Variants in FRMD5 observed in about 807,000 individuals in gnomAD.
FRMD5 encodes the protein FERM domain containing 5.
In FRMD5, 20 loss-of-function variants were observed where a neutral mutation model predicts 69.0. The ratio of observed to expected loss-of-function variants is 0.29; its 90% CI spans 0.20 to 0.42. The LOEUF is 0.42. Among genes scored for constraint, FRMD5 ranks in the 10% least tolerant of loss-of-function variants. FRMD5 has a pLI of 1.00. For missense variants in FRMD5, 595 were observed against 708.6 expected (o/e 0.84, Z 1.82); for synonymous variants, 271 against 260.1 (o/e 1.04, Z -0.40).
intron 1 of FRMD5, among the ~76,000 whole-genome samples, chr15:43,931,595 T>C (rs946632300): frequency 6.6e-6 from 1 of 152,170 alleles, no homozygotes; most frequent in Non-Finnish European, 1.5e-5. Context: ...TTTCTTTTTT[T>C]TTTTGCAAAA....
chr15:43,896,943 A>G (rs2088923655), intron 7 of FRMD5, among the ~76,000 whole-genome samples: 1 of 152,158 alleles, frequency 6.6e-6, no homozygotes. Flanking sequence ...AATATACTAC[A>G]CTTAAACTTG....
At chr15:44,108,833 A>G (rs1403213788) in intron 1 of FRMD5, among the ~76,000 whole-genome samples, 1 of 151,528 alleles carries the variant, frequency 6.6e-6, no homozygotes, top group African/African-American at 2.4e-5. Context: ...TGGTGGCACA[A>G]GCCTGTAGTC....
intron 1 of FRMD5, among the ~76,000 whole-genome samples, chr15:44,108,153 A>G (rs554432193): frequency 1.8e-4 from 27 of 152,322 alleles, no homozygotes; most frequent in African/African-American, 6.3e-4. Flanking sequence ...ATAATAGACA[A>G]AAGAAATTGT....
At chr15:44,107,070 G>A (rs1025885186) in intron 1 of FRMD5, among the ~76,000 whole-genome samples, 2 of 152,158 alleles carry the variant, frequency 1.3e-5, no homozygotes, top group South Asian at 2.1e-4. Context: ...TCTCTGAAAG[G>A]GTGTCAGGGA....
intron 1 of FRMD5, among the ~76,000 whole-genome samples, chr15:44,120,083 T>C (rs1287948136): frequency 2.0e-5 from 3 of 152,108 alleles, no homozygotes; most frequent in Admixed American, 6.5e-5. Context: ...TGTCAAGACA[T>C]ACAATTCTGA....
chr15:44,135,113 T>TC (rs2077162556), intron 1 of FRMD5, among the ~76,000 whole-genome samples: 1 of 152,188 alleles, frequency 6.6e-6, no homozygotes, highest in Non-Finnish European at 1.5e-5. Flanking sequence ...CTAAAAAAGT[T>TC]TGAATCCCCA....
chr15:44,035,426 G>A (rs923327352), intron 1 of FRMD5, among the ~76,000 whole-genome samples: 22 of 152,176 alleles, frequency 1.4e-4, no homozygotes, highest in South Asian at 6.2e-4. Flanking sequence ...GAAGCAACAC[G>A]TCAGACTTTG....
At chr15:43,962,159 C>T (rs1231218287) in intron 1 of FRMD5, among the ~76,000 whole-genome samples, 5 of 152,074 alleles carry the variant, frequency 3.3e-5, no homozygotes. Context: ...CAAAACCCCA[C>T]CATCTCAGCC....
intron 1 of FRMD5, among the ~76,000 whole-genome samples, chr15:43,959,975 T>C (rs2090170858): frequency 6.6e-6 from 1 of 152,218 alleles, no homozygotes; most frequent in Non-Finnish European, 1.5e-5. Flanking sequence ...TGGAGTGCAA[T>C]GGTGCGATCT....
chr15:44,165,152 C>T (rs2077687730), intron 1 of FRMD5, among the ~76,000 whole-genome samples: 2 of 152,224 alleles, frequency 1.3e-5, no homozygotes, highest in Non-Finnish European at 1.5e-5. Flanking sequence ...GGAGCGGTGG[C>T]TCACACCTGT....
At chr15:43,999,225 G>A (rs575560685) in intron 1 of FRMD5, among the ~76,000 whole-genome samples, 2 of 152,056 alleles carry the variant, frequency 1.3e-5, no homozygotes, top group South Asian at 2.1e-4. Context: ...GTGCCACCAC[G>A]CCTGGCTAAT....
upstream of FRMD5, among the ~76,000 whole-genome samples, chr15:44,196,638 C>T (rs1447801924): frequency 1.3e-5 from 2 of 150,686 alleles, no homozygotes; most frequent in Non-Finnish European, 2.9e-5. Context: ...ACTATCCCGC[C>T]TTTAAAGTAT....
chr15:43,880,078 C>T (rs1044333995), intron 13 of FRMD5, among the ~76,000 whole-genome samples: 5 of 152,128 alleles, frequency 3.3e-5, no homozygotes, highest in Admixed American at 6.5e-5. Flanking sequence ...GAATCAAGAC[C>T]GTCCCAGAAA....
chr15:43,871,612 G>A lies in FRMD5; in HGVS notation c.*2273C>T, dbSNP rs1473174202. On this transcript the variant is annotated 3_prime_UTR_variant, in exon 14 of 14. Coordinates refer to ENST00000417257, the MANE Select transcript of FRMD5 (RefSeq NM_032892.5). ...GCCTTTGCTATGTAGATGACAAGTG[G>A]CAGTGGCTAGTTGATTTTAACTGAC... 2 of 152,208 alleles carry A rather than the reference G, an allele frequency of 1.3e-5. No homozygotes were observed. The highest frequency in any genetic ancestry group is 2.9e-5 in the Non-Finnish European group (2 of 68,032). 9.4% of individuals were successfully genotyped at this position (152,208 alleles called of 1,614,324 possible).
At position 43,905,678 on chromosome 15, in the gene FRMD5, C is replaced by T. The variant is rs368388506; in HGVS notation, c.551+150G>A. 66 of 967,748 alleles carry T rather than the reference C, an allele frequency of 6.8e-5. No individual in the cohort carries two copies. In the East Asian group the frequency reaches 1.1e-3, roughly 16 times the overall value. The allele number at this position is 967,748 out of a possible 1,614,324, so 59.9% of individuals were successfully genotyped here. On this transcript the variant is annotated intron_variant, in intron 6 of 13. Coordinates refer to ENST00000417257, the MANE Select transcript of FRMD5 (RefSeq NM_032892.5). ...TGTGACTTGTGCTGTCAGTGTATCA[C>T]TGACAATGGTACATCCGCGGTCAGG...
At chr15:43,927,713 C>T (rs1019003132) in intron 1 of FRMD5, among the ~76,000 whole-genome samples, 3 of 151,024 alleles carry the variant, frequency 2.0e-5, no homozygotes, top group Non-Finnish European at 2.9e-5. Context: ...CTGGCTTTTA[C>T]ATTGTGATCA....
intron 1 of FRMD5, among the ~76,000 whole-genome samples, chr15:44,051,412 A>C (rs1892661758): frequency 6.6e-6 from 1 of 150,816 alleles, no homozygotes; most frequent in Admixed American, 6.6e-5. Flanking sequence ...AAATACAAAA[A>C]TTAGCCCAGT....
chr15:44,155,696 C>A (rs985870468), intron 1 of FRMD5, among the ~76,000 whole-genome samples: 3 of 151,308 alleles, frequency 2.0e-5, no homozygotes, highest in Admixed American at 6.6e-5. Context: ...CAGGTTCAAG[C>A]GATTCTCCTG....
At chr15:43,934,833 C>T (rs560042954) in intron 1 of FRMD5, among the ~76,000 whole-genome samples, 21 of 152,276 alleles carry the variant, frequency 1.4e-4, no homozygotes, top group Admixed American at 3.9e-4. Flanking sequence ...CAGGCAGCAG[C>T]GGGACTGCTG....
Sources: allele counts gnomAD v4.1 joint callset (sites outside exome capture counted in the v4.1 genomes callset), GRCh38; gene constraint gnomAD v4.1.1; transcripts MANE v1.5; gene names NCBI Gene and HGNC (gene_info 2026-07-23, HGNC 2026-07-21).